Variants in GNA14 observed in about 807,000 individuals in gnomAD.
GNA14 encodes G protein subunit alpha 14.
In GNA14, 50 loss-of-function variants were observed where a neutral mutation model predicts 42.0. The ratio of observed to expected loss-of-function variants is 1.19; its 90% CI spans 0.95 to 1.51. The LOEUF (loss-of-function observed/expected upper bound fraction) is 1.51, where lower values mean the gene tolerates loss of function less well. Ranked by LOEUF, GNA14 falls within the 40% of genes most tolerant of loss-of-function variation. The probability of loss-of-function intolerance (pLI) is 0.00; values close to 1 mark genes in which losing one functional copy is unlikely to be tolerated. For missense variants in GNA14, 473 were observed against 446.2 expected, an observed-to-expected ratio of 1.06 and a Z score of -0.54; for synonymous variants, 173 against 163.1, an observed-to-expected ratio of 1.06 and a Z score of -0.46.
At chr9:77,647,623 G>A (rs1323877606) in intron 1 of GNA14, 47 bp downstream of exon 1, 1 of 1,584,974 alleles carries the variant, frequency 6.3e-7, no homozygotes, top group Non-Finnish European at 8.6e-7. Context: ...GGGAGGGCTC[G>A]GAAGAAAAAC....
At chr9:77,457,101 A>G (rs1836014016) in intron 2 of GNA14, among the ~76,000 whole-genome samples, 1 of 152,228 alleles carries the variant, frequency 6.6e-6, no homozygotes, top group South Asian at 2.1e-4. Context: ...TAACACTTAC[A>G]AAGTTTCAGC....
At chr9:77,515,586 T>C (rs62573374) in intron 2 of GNA14, among the ~76,000 whole-genome samples, 24,258 of 152,170 alleles carry the variant, frequency 0.16, 2,411 homozygotes, top group East Asian at 0.24. Flanking sequence ...ATTCAAAAGG[T>C]ATTTGTTTGT....
intron 2 of GNA14, among the ~76,000 whole-genome samples, chr9:77,458,294 A>AG (rs5898541): frequency 7.2e-5 from 11 of 151,834 alleles, no homozygotes; most frequent in African/African-American, 2.7e-4. Context: ...CACAGCTTTG[A>AG]GGGGGGAAAA....
chr9:77,428,225 C>T (rs1233623549), intron 5 of GNA14, among the ~76,000 whole-genome samples: 1 of 151,704 alleles, frequency 6.6e-6, no homozygotes, highest in Non-Finnish European at 1.5e-5. Flanking sequence ...ACTACAGGCG[C>T]CCACCACCAC....
In GNA14 at chr9:77,640,473, C is replaced by CAT. The variant is rs944848539; in HGVS notation, c.124+7196_124+7197insAT. ...TGGGAAATGAGAAAGCAAAAGATGA[C>CAT]AGACTAGAAGGCATCTTTTAAAAAG... On this transcript the variant is annotated intron_variant, in intron 1 of 6. Transcript: ENST00000341700. Among the ~76,000 whole-genome samples, 159 of 152,136 alleles carry CAT rather than the reference C, an allele frequency of 1.0e-3. 1 individual carries two copies. The highest frequency in any genetic ancestry group is 3.7e-3 in the African/African-American group (155 of 41,508).
At chr9:77,496,763 T>C (rs1446769558) in intron 2 of GNA14, among the ~76,000 whole-genome samples, 1 of 152,184 alleles carries the variant, frequency 6.6e-6, no homozygotes, top group African/African-American at 2.4e-5. Flanking sequence ...GTCAAGGTTA[T>C]TGAAAATCAG....
chr9:77,618,419 C>G (rs1823856744), intron 1 of GNA14, among the ~76,000 whole-genome samples: 1 of 151,306 alleles, frequency 6.6e-6, no homozygotes, highest in South Asian at 2.1e-4. Context: ...TTGCTATGGT[C>G]TCATTTTACA....
chr9:77,540,799 G>T (rs1402460433), intron 1 of GNA14, among the ~76,000 whole-genome samples: 5 of 152,002 alleles, frequency 3.3e-5, no homozygotes, highest in Non-Finnish European at 7.4e-5. Context: ...GTTTCTGCTT[G>T]CATGTAATAT....
intron 1 of GNA14, among the ~76,000 whole-genome samples, chr9:77,564,553 G>T (rs1822936748): frequency 1.3e-5 from 2 of 152,114 alleles, no homozygotes; most frequent in Admixed American, 6.6e-5. Flanking sequence ...TTATGGCTGG[G>T]CATGGTGGCT....
chr9:77,523,537 G>A (rs1186652521), intron 2 of GNA14, among the ~76,000 whole-genome samples: 1 of 152,110 alleles, frequency 6.6e-6, no homozygotes. Flanking sequence ...CAACACTGGG[G>A]ATTACAATTC....
chr9:77,521,191 A>G (rs924167194), intron 2 of GNA14, among the ~76,000 whole-genome samples: 10 of 152,214 alleles, frequency 6.6e-5, no homozygotes, highest in African/African-American at 2.4e-4. Context: ...AGAGCTCAAC[A>G]GAGTACTTGG....
chr9:77,511,154 T>C (rs951705239), intron 2 of GNA14, among the ~76,000 whole-genome samples: 10 of 151,896 alleles, frequency 6.6e-5, no homozygotes, highest in Non-Finnish European at 1.2e-4. Context: ...TCCCAGAATG[T>C]CCTCATTTTA....
intron 1 of GNA14, among the ~76,000 whole-genome samples, chr9:77,640,588 G>T (rs1351898146): frequency 6.6e-6 from 1 of 152,012 alleles, no homozygotes; most frequent in Non-Finnish European, 1.5e-5. Context: ...CTTTATATCT[G>T]CCCACAGCTT....
At chr9:77,433,975 A>G (rs542419472) in intron 3 of GNA14, among the ~76,000 whole-genome samples, 44 of 152,334 alleles carry the variant, frequency 2.9e-4, no homozygotes, top group African/African-American at 1.0e-3. Flanking sequence ...GAAACCAGAA[A>G]GGCAGAGGGA....
rs766400790 is a variant in GNA14 at position 77,647,743 on chromosome 9, G to A, written c.51C>T (p.Ile17=). The change falls in exon 1 of 7, where the codon ATC becomes ATT. Residue 17 remains isoleucine, a synonymous_variant. Coordinates refer to ENST00000341700, the MANE Select transcript of GNA14 (RefSeq NM_004297.4). ...GAAGCTGTCGCTCGATCTCCGCGCTGATGCGCTGCGACTCCTTCTCCTCCG... is the reference window on the plus strand; with the variant it reads ...GAAGCTGTCGCTCGATCTCCGCGCTAATGCGCTGCGACTCCTTCTCCTCCG... ...LSAEEKESQR[I]SAEIERQLRR... 3.7e-6 allele frequency: 6 copies of A among 1,609,636 alleles called. No individual in the cohort carries two copies. In the African/African-American group the frequency reaches 4.0e-5, roughly 11 times the overall value.
chr9:77,499,065 G>A (rs1836921983), intron 2 of GNA14, among the ~76,000 whole-genome samples: 1 of 152,150 alleles, frequency 6.6e-6, no homozygotes, highest in African/African-American at 2.4e-5. Flanking sequence ...AGAACAATGG[G>A]AAAAATGCTA....
rs1348926946 is a variant in GNA14 at position 77,423,389 on chromosome 9, ACTTATATATCCATTAATTTGG to A, written c.*569_*589del. ...ACTGTGGCAAAGCTAAATTAGATAT[ACTTATATATCCATTAATTTGG>A]CTTAGAAAGTTAACACACAAAAAGA... On this transcript the variant is annotated 3_prime_UTR_variant, in exon 7 of 7. Transcript: ENST00000341700. The A allele has an allele frequency of 6.6e-6, 1 of 152,128 alleles. No homozygotes were observed. The highest frequency in any genetic ancestry group is 1.5e-5 in the Non-Finnish European group (1 of 67,984). The allele number at this position is 152,128 out of a possible 1,614,324, so 9.4% of individuals were successfully genotyped here. A position where few individuals can be genotyped will look rare whatever the true frequency, so the allele number is the denominator to read the frequency against.
intron 1 of GNA14, among the ~76,000 whole-genome samples, chr9:77,535,400 C>T (rs1372083822): frequency 6.6e-6 from 1 of 151,988 alleles, no homozygotes; most frequent in Non-Finnish European, 1.5e-5. Context: ...AAAAATTAGC[C>T]GGGTGTGGTG....
At chr9:77,464,802 A>G (rs1468858392) in intron 2 of GNA14, among the ~76,000 whole-genome samples, 1 of 152,248 alleles carries the variant, frequency 6.6e-6, no homozygotes, top group Non-Finnish European at 1.5e-5. Flanking sequence ...GGATCTTTTC[A>G]GATGTAATCA....
Sources: allele counts gnomAD v4.1 joint callset (sites outside exome capture counted in the v4.1 genomes callset), GRCh38; gene constraint gnomAD v4.1.1; transcripts MANE v1.5; gene names NCBI Gene and HGNC (gene_info 2026-07-23, HGNC 2026-07-21).